Variants in CHKA observed in about 807,000 individuals in gnomAD.
CHKA encodes the protein choline kinase alpha, also known as CHETK-alpha.
A neutral mutation model predicts 60.1 loss-of-function variants in CHKA; 34 were observed. That is an observed-to-expected ratio of 0.57 (90% CI 0.43 to 0.75). The LOEUF (loss-of-function observed/expected upper bound fraction) is 0.75, where lower values mean the gene tolerates loss of function less well. CHKA is among the 30% of genes least tolerant of loss of function. The pLI is 0.00. For synonymous variants in CHKA, 217 were observed against 223.1 expected (o/e 0.97, Z 0.24); for missense variants, 563 against 561.3 (o/e 1.00, Z -0.03).
chr11:68,081,504 A>C (rs1434596280), intron 2 of CHKA, 47 bp from the exon 3 acceptor site: 1 of 1,450,878 alleles, frequency 6.9e-7, no homozygotes, highest in Non-Finnish European at 9.7e-7. Flanking sequence ...GGGGAACACT[A>C]AACAGACACT....
At chr11:68,069,468 C>T (rs1298525359) in intron 6 of CHKA, among the ~76,000 whole-genome samples, 6 of 152,168 alleles carry the variant, frequency 3.9e-5, no homozygotes, top group African/African-American at 1.2e-4. Context: ...GGGCCGATCA[C>T]GAGGTCAAGA....
intron 11 of CHKA, among the ~76,000 whole-genome samples, chr11:68,060,870 G>T (rs1266939849): frequency 6.6e-6 from 1 of 151,880 alleles, no homozygotes; most frequent in Non-Finnish European, 1.5e-5. Flanking sequence ...TATCATCCTT[G>T]CATTACCAAA....
At chr11:68,073,288 T>C (rs1856682436) in intron 4 of CHKA, among the ~76,000 whole-genome samples, 2 of 152,240 alleles carry the variant, frequency 1.3e-5, no homozygotes, top group Non-Finnish European at 1.5e-5. Context: ...TTCAACATTA[T>C]GTTTGTAAGA....
chr11:68,081,621 C>T, intron 2 of CHKA, 164 bp from the exon 3 acceptor site: 1 of 587,848 alleles, frequency 1.7e-6, no homozygotes, highest in Non-Finnish European at 3.1e-6. Context: ...CACCAGCAGC[C>T]TCCAGCACTA....
rs79864642 is a variant in CHKA, at chr11:68,106,767, G to A, written c.351-9637C>T. Among the ~76,000 whole-genome samples, 1,098 of 152,308 alleles carry A rather than the reference G, an allele frequency of 7.2e-3. 13 individuals carry two copies. The highest frequency in any genetic ancestry group is 0.025 in the African/African-American group (1,052 of 41,560). On this transcript the variant is annotated intron_variant, in intron 1 of 11. Coordinates refer to ENST00000265689, the MANE Select transcript of CHKA (RefSeq NM_001277.3). ...AAGGTTAATGTTTAAGAGGATGCCA[G>A]AAGGAAGAAAGGATAAAGCTCAGTC...
In CHKA at chr11:68,114,259, G is replaced by A. The variant is rs571670983; in HGVS notation, c.350+6569C>T. ...ATGAATTGAAAACCTACACACAAAT[G>A]TTTAGAGCAACTTTATTCATAATTG... On this transcript the variant is annotated intron_variant, in intron 1 of 11. Transcript: ENST00000265689. 2.6e-4 allele frequency among the ~76,000 whole-genome samples: 40 copies of A among 152,274 alleles called. No individual in the cohort carries two copies. The South Asian group carries it at 7.7e-3, about 29-fold the overall frequency.
chr11:68,054,047 C>A lies in CHKA; in HGVS notation c.1315G>T (p.Asp439Tyr). Residue 439 changes from aspartate (D) to tyrosine (Y), a missense_variant and splice_region_variant, in exon 12 of 12, where the codon GAC becomes TAC. Asp to Tyr is a radical substitution (Grantham distance 160, BLOSUM62 -3). Coordinates refer to ENST00000265689, the MANE Select transcript of CHKA (RefSeq NM_001277.3). ...GCATCAAACCTTGCTTGGGCGTAGT[C>A]CTAGGAGACAGCAAAGAGAAGGCCT... Reference protein sequence around the residue: ...KISSIEFGYMDYAQARFDAYF... With the variant: ...KISSIEFGYMYYAQARFDAYF... 1 of 1,612,180 alleles carries A rather than the reference C, an allele frequency of 6.2e-7. No homozygotes were observed. Among genetic ancestry groups the A allele is most frequent in the South Asian group, 1.1e-5 (1 of 90,584 alleles).
chr11:68,103,298 ATGAGC>A (rs1327160686), intron 1 of CHKA, among the ~76,000 whole-genome samples: 1 of 151,678 alleles, frequency 6.6e-6, no homozygotes, highest in African/African-American at 2.4e-5. Context: ...GAGGCTGCAA[ATGAGC>A]TGTGATTGTG....
chr11:68,066,373 C>T, intron 8 of CHKA, 56 bp downstream of exon 8: 1 of 1,350,894 alleles, frequency 7.4e-7, no homozygotes, highest in Non-Finnish European at 1.1e-6. Context: ...GTTAATTAAG[C>T]ATATCGTAAT....
intron 1 of CHKA, among the ~76,000 whole-genome samples, chr11:68,097,381 T>C (rs1360912683): frequency 1.3e-5 from 2 of 152,192 alleles, no homozygotes; most frequent in East Asian, 3.8e-4. Flanking sequence ...ACGCCTGTAA[T>C]CCCAGCACTT....
chr11:68,118,800 C>A (rs1215091492), intron 1 of CHKA, among the ~76,000 whole-genome samples: 1 of 152,204 alleles, frequency 6.6e-6, no homozygotes, highest in Non-Finnish European at 1.5e-5. Flanking sequence ...AACAAGACAT[C>A]CTCAATGCTT....
intron 2 of CHKA, among the ~76,000 whole-genome samples, chr11:68,083,736 C>A (rs1192474777): frequency 6.6e-6 from 1 of 152,110 alleles, no homozygotes; most frequent in African/African-American, 2.4e-5. Context: ...CACTCCACCC[C>A]CAGATGAATT....
At chr11:68,099,270 T>C (rs1285146734) in intron 1 of CHKA, among the ~76,000 whole-genome samples, 3 of 152,222 alleles carry the variant, frequency 2.0e-5, no homozygotes, top group African/African-American at 7.2e-5. Flanking sequence ...GTATCTGTGA[T>C]TACACTAAAA....
At chr11:68,064,163 T>C (rs564512028) in intron 10 of CHKA, among the ~76,000 whole-genome samples, 4 of 152,242 alleles carry the variant, frequency 2.6e-5, no homozygotes, top group African/African-American at 4.8e-5. Flanking sequence ...AATCCCAGCA[T>C]GGGAAGGCCG....
intron 1 of CHKA, among the ~76,000 whole-genome samples, chr11:68,114,946 A>G (rs1220218453): frequency 1.3e-5 from 2 of 152,170 alleles, no homozygotes; most frequent in African/African-American, 4.8e-5. Flanking sequence ...TCTGTATGAC[A>G]CTACAGATGG....
chr11:68,113,869 T>C (rs1298319839), intron 1 of CHKA, among the ~76,000 whole-genome samples: 3 of 151,022 alleles, frequency 2.0e-5, no homozygotes, highest in African/African-American at 7.3e-5. Flanking sequence ...CAGGTGCCTG[T>C]AATCTCAAGA....
At chr11:68,059,353 T>G (rs1856139269) in intron 11 of CHKA, among the ~76,000 whole-genome samples, 1 of 152,214 alleles carries the variant, frequency 6.6e-6, no homozygotes, top group Non-Finnish European at 1.5e-5. Flanking sequence ...TCTGTTAATA[T>G]GAAGAATTAT....
intron 1 of CHKA, among the ~76,000 whole-genome samples, chr11:68,105,103 CA>C (rs986302317): frequency 2.0e-4 from 28 of 136,966 alleles, no homozygotes; most frequent in East Asian, 6.2e-4. Flanking sequence ...AACTCCATCT[CA>C]AAAAAAAAAA....
chr11:68,056,145 A>G (rs1044305786), intron 11 of CHKA, among the ~76,000 whole-genome samples: 9 of 152,246 alleles, frequency 5.9e-5, no homozygotes, highest in Admixed American at 5.9e-4. Context: ...ATACATTTGT[A>G]GTATTTCCTC....
Sources: allele counts gnomAD v4.1 joint callset (sites outside exome capture counted in the v4.1 genomes callset), GRCh38; gene constraint gnomAD v4.1.1; transcripts MANE v1.5; gene names NCBI Gene and HGNC (gene_info 2026-07-23, HGNC 2026-07-21).